The following SLC9C2 variants were observed in gnomAD, a reference collection of about 807,000 sequenced individuals.
The protein encoded by SLC9C2 is solute carrier family 9 member C2 (putative), also known as sodium/hydrogen exchanger 11.
In SLC9C2, 75 loss-of-function variants were observed where a neutral mutation model predicts 140.2. That is an observed-to-expected ratio of 0.53 (90% CI 0.44 to 0.65). The LOEUF is 0.65. Ranked by LOEUF, SLC9C2 falls within the 30% of genes least tolerant of loss-of-function variation. The pLI is 0.00. For synonymous variants in SLC9C2, 375 were observed against 420.9 expected (o/e 0.89, Z 1.34); for missense variants, 1,074 against 1,331.8 (o/e 0.81, Z 3.01).
chr1:173,507,508 GCACACACA>G (rs148480049), intron 24 of SLC9C2, among the ~76,000 whole-genome samples: 1 of 128,092 alleles, frequency 7.8e-6, no homozygotes, highest in Non-Finnish European at 1.9e-5. Context: ...GTTGAATTGT[GCACACACA>G]CACACACACA....
chr1:173,551,621 T>C (rs2102073693), intron 11 of SLC9C2, among the ~76,000 whole-genome samples: 1 of 152,302 alleles, frequency 6.6e-6, no homozygotes, highest in African/African-American at 2.4e-5. Flanking sequence ...TGATCAGTAG[T>C]CTTTGATATT....
At chr1:173,593,455 G>T (rs1666283348) in intron 4 of SLC9C2, among the ~76,000 whole-genome samples, 1 of 152,180 alleles carries the variant, frequency 6.6e-6, no homozygotes. Context: ...GGGAAGTGGA[G>T]ATTTCAGTGA....
intron 4 of SLC9C2, among the ~76,000 whole-genome samples, chr1:173,589,636 T>G (rs1666047928): frequency 6.6e-6 from 1 of 152,106 alleles, no homozygotes; most frequent in South Asian, 2.1e-4. Flanking sequence ...TTTAGGAATT[T>G]CCCATTTTGT....
intron 4 of SLC9C2, among the ~76,000 whole-genome samples, chr1:173,594,981 C>A (rs975772572): frequency 3.3e-5 from 5 of 152,194 alleles, no homozygotes; most frequent in African/African-American, 1.2e-4. Context: ...CTCACTGCAA[C>A]CTCTGTCTCC....
intron 23 of SLC9C2, among the ~76,000 whole-genome samples, chr1:173,514,512 T>C (rs12071352): frequency 6.6e-6 from 1 of 152,014 alleles, no homozygotes; most frequent in African/African-American, 2.4e-5. Context: ...TGCTTGGTAA[T>C]TTTTCCTCCA....
intron 10 of SLC9C2, 147 bp downstream of exon 10, chr1:173,557,193 G>T: frequency 1.4e-6 from 1 of 719,104 alleles, no homozygotes; most frequent in South Asian, 1.9e-5. Context: ...CATAAATAAC[G>T]TTCTGCTCTG....
intron 11 of SLC9C2, among the ~76,000 whole-genome samples, chr1:173,550,423 TA>T (rs1663176479): frequency 8.3e-6 from 1 of 120,790 alleles, no homozygotes; most frequent in Non-Finnish European, 1.6e-5. Context: ...TTTTTTATTT[TA>T]TTTATTTATT....
rs778173268 is a variant in SLC9C2 at position 173,592,407 on chromosome 1, C to T, written c.358-4577G>A. 4.2e-4 allele frequency among the ~76,000 whole-genome samples: 64 copies of T among 152,104 alleles called. 1 individual carries two copies. Among genetic ancestry groups the T allele is most frequent in the South Asian group, 2.1e-4 (1 of 4,824 alleles). On this transcript the variant is annotated intron_variant, in intron 4 of 27. Coordinates refer to ENST00000367714, the MANE Select transcript of SLC9C2 (RefSeq NM_178527.4). ...TTTCTAGTTCTGTGAAGAACATCTT[C>T]GGCAGTTTGATAGAAATAGCACTGA...
chr1:173,566,185 T>C (rs900114559), intron 9 of SLC9C2, among the ~76,000 whole-genome samples: 3 of 152,178 alleles, frequency 2.0e-5, no homozygotes, highest in African/African-American at 7.2e-5. Flanking sequence ...AGGGTAATAC[T>C]GACTTCTTAG....
At chr1:173,520,674 A>AT (rs1249439056) in intron 22 of SLC9C2, among the ~76,000 whole-genome samples, 4 of 152,224 alleles carry the variant, frequency 2.6e-5, no homozygotes, top group South Asian at 2.1e-4. Context: ...TTAGTATTCT[A>AT]TTTATTATGG....
Position 173,517,584 on chromosome 1 carries a change from G to A in SLC9C2, c.2860C>T (p.Leu954Phe). The A allele has an allele frequency of 6.2e-7, 1 of 1,613,328 alleles. No homozygotes were observed. The highest frequency in any genetic ancestry group is 8.5e-7 in the Non-Finnish European group (1 of 1,179,786). ...ACGGTATATTCAATTTCACGCTTAA[G>A]CAGACAGCTTAGCTCTCCAATTATG... The part of the protein sequence containing the change: ...GDIIGELSCL[L>F]KREIEYTVIC... Residue 954 changes from leucine (L) to phenylalanine (F), a missense_variant, in exon 23 of 28, where the codon CTT becomes TTT. Transcript: ENST00000367714.
chr1:173,533,834 A>T (rs756478649), intron 16 of SLC9C2, 37 bp from the exon 17 acceptor site: 1 of 1,537,352 alleles, frequency 6.5e-7, no homozygotes, highest in Non-Finnish European at 8.7e-7. Flanking sequence ...TAGCACCTAT[A>T]CAGTAATGTT....
intron 23 of SLC9C2, among the ~76,000 whole-genome samples, chr1:173,510,874 T>C (rs751552123): frequency 6.6e-6 from 1 of 152,130 alleles, no homozygotes; most frequent in Admixed American, 6.5e-5. Flanking sequence ...CTGGGTCAAA[T>C]GGTATTTCTG....
intron 9 of SLC9C2, among the ~76,000 whole-genome samples, chr1:173,569,021 T>C (rs1018449413): frequency 3.9e-5 from 6 of 152,190 alleles, no homozygotes; most frequent in African/African-American, 1.4e-4. Context: ...TCAGCTTTTG[T>C]TTGTCTGGGA....
intron 4 of SLC9C2, among the ~76,000 whole-genome samples, chr1:173,590,073 T>A (rs148354858): frequency 0.018 from 2,742 of 152,012 alleles, 91 homozygotes; most frequent in African/African-American, 0.062. Context: ...TGAAACCCCG[T>A]CTCTACTAAA....
chr1:173,517,130 T>C (rs1356551665), intron 23 of SLC9C2, among the ~76,000 whole-genome samples: 1 of 152,258 alleles, frequency 6.6e-6, no homozygotes, highest in African/African-American at 2.4e-5. Flanking sequence ...AAAGTATCTG[T>C]TCATATATTT....
At chr1:173,521,039 CCTT>C (rs1288113314) in intron 22 of SLC9C2, among the ~76,000 whole-genome samples, 1 of 152,104 alleles carries the variant, frequency 6.6e-6, no homozygotes, top group East Asian at 1.9e-4. Flanking sequence ...GTATTGATTT[CCTT>C]CTCTGAACAT....
rs114581548 is a variant in SLC9C2, at chr1:173,532,661, C to T, written c.2163+948G>A. Among the ~76,000 whole-genome samples the T allele has an allele frequency of 4.9e-3, 745 of 152,312 alleles. 12 individuals are homozygous for T. The highest frequency in any genetic ancestry group is 0.017 in the African/African-American group (715 of 41,570). ...TTGTATTTGGGTTACCCTGCTTCTACTGGCACCAAGATTTTTATTCTTTCA... is the reference window on the plus strand; with the variant it reads ...TTGTATTTGGGTTACCCTGCTTCTATTGGCACCAAGATTTTTATTCTTTCA... On this transcript the variant is annotated intron_variant, in intron 17 of 27. Coordinates refer to ENST00000367714, the MANE Select transcript of SLC9C2 (RefSeq NM_178527.4).
At chr1:173,554,647 T>A in intron 11 of SLC9C2, 86 bp downstream of exon 11, 1 of 800,978 alleles carries the variant, frequency 1.2e-6, no homozygotes, top group Non-Finnish European at 2.1e-6. Context: ...TCCTTGAGCT[T>A]CATGAGAAAT....
Sources: gnomAD v4.1 joint callset for allele counts (sites outside exome capture counted in the v4.1 genomes callset) on GRCh38, gnomAD v4.1.1 for gene constraint, MANE v1.5 for transcripts, NCBI Gene and HGNC (gene_info 2026-07-23, HGNC 2026-07-21) for gene names.